The following MAN2A1 variants were observed in gnomAD, a reference collection of about 807,000 sequenced individuals.
The protein encoded by MAN2A1 is mannosidase alpha class 2A member 1.
A neutral mutation model predicts 142.6 loss-of-function variants in MAN2A1; 76 were observed. That is an observed-to-expected ratio of 0.53 (90% CI 0.44 to 0.65). The LOEUF (loss-of-function observed/expected upper bound fraction) is 0.65. MAN2A1 is among the 30% of genes least tolerant of loss of function. MAN2A1 has a pLI of 0.00. For missense variants in MAN2A1, 1,311 were observed against 1,365.1 expected, an observed-to-expected ratio of 0.96 and a Z score of 0.62; for synonymous variants, 559 against 473.2, an observed-to-expected ratio of 1.18 and a Z score of -2.35.
At chr5:109,786,459 T>G (rs1283534046) in intron 10 of MAN2A1, among the ~76,000 whole-genome samples, 1 of 152,096 alleles carries the variant, frequency 6.6e-6, no homozygotes, top group African/African-American at 2.4e-5. Context: ...TATCTTGACC[T>G]GTCTGGAAGA....
intron 16 of MAN2A1, among the ~76,000 whole-genome samples, chr5:109,827,645 G>C (rs3797678): frequency 0.39 from 59,607 of 152,042 alleles, 12,551 homozygotes; most frequent in African/African-American, 0.55. Flanking sequence ...GCAGTTGAAG[G>C]GCTCTCTCTT....
intron 10 of MAN2A1, among the ~76,000 whole-genome samples, chr5:109,786,893 A>T (rs1457980190): frequency 6.6e-6 from 1 of 152,022 alleles, no homozygotes; most frequent in Non-Finnish European, 1.5e-5. Flanking sequence ...ATCTGTAGAC[A>T]ACTGGTTCTG....
intron 12 of MAN2A1, among the ~76,000 whole-genome samples, chr5:109,813,044 T>C (rs1235137014): frequency 6.6e-6 from 1 of 152,220 alleles, no homozygotes; most frequent in Non-Finnish European, 1.5e-5. Flanking sequence ...CATAAAAATA[T>C]GTAAGTTGCT....
rs911988699 is a variant in MAN2A1, at chr5:109,722,581, T to A, written c.535+6317T>A. Among the ~76,000 whole-genome samples the A allele has an allele frequency of 2.0e-5, 3 of 151,944 alleles. No individual in the cohort carries two copies. The South Asian group carries it at 6.2e-4, about 32-fold the overall frequency. ...AGGCACACGCCACAGTGCCTAGCTATTTTTTTGTATTTTTAGTAGAGATGG... is the reference window on the plus strand; with the variant it reads ...AGGCACACGCCACAGTGCCTAGCTAATTTTTTGTATTTTTAGTAGAGATGG... On this transcript the variant is annotated intron_variant, in intron 3 of 21. Transcript: ENST00000261483.
At chr5:109,714,586 A>G (rs1213618236) in intron 2 of MAN2A1, among the ~76,000 whole-genome samples, 3 of 152,250 alleles carry the variant, frequency 2.0e-5, no homozygotes, top group Non-Finnish European at 4.4e-5. Flanking sequence ...TTTCACTCAC[A>G]TTGGCTCTGC....
At chr5:109,854,087 C>A (rs1396354849) in intron 19 of MAN2A1, 1 of 152,098 alleles carries the variant, frequency 6.6e-6, no homozygotes, top group African/African-American at 2.4e-5. Flanking sequence ...AGATCAGTAG[C>A]CAAGCCTTTT....
At chr5:109,719,302 A>T (rs1430127952) in intron 3 of MAN2A1, among the ~76,000 whole-genome samples, 1 of 152,242 alleles carries the variant, frequency 6.6e-6, no homozygotes, top group African/African-American at 2.4e-5. Context: ...AACTACAGTG[A>T]TTTTTGCTGT....
chr5:109,816,522 A>G (rs578244004), intron 12 of MAN2A1, among the ~76,000 whole-genome samples: 91 of 152,272 alleles, frequency 6.0e-4, no homozygotes, highest in African/African-American at 2.0e-3. Flanking sequence ...TTTAGAATCA[A>G]CTTTCTTTAA....
At chr5:109,864,903 G>A in intron 20 of MAN2A1, 133 bp from the exon 21 acceptor site, 1 of 670,072 alleles carries the variant, frequency 1.5e-6, no homozygotes, top group Non-Finnish European at 2.7e-6. Context: ...GACCTGAGGA[G>A]AAATGAATTT....
At chr5:109,726,297 T>C (rs1235197056) in intron 3 of MAN2A1, among the ~76,000 whole-genome samples, 3 of 152,182 alleles carry the variant, frequency 2.0e-5, no homozygotes, top group Non-Finnish European at 4.4e-5. Context: ...ACAATTGTAG[T>C]TTTTACAGTA....
chr5:109,789,611 A>G lies in MAN2A1; in HGVS notation c.1943+84A>G, dbSNP rs1429276002. 1.1e-5 allele frequency: 9 copies of G among 852,470 alleles called. No homozygotes were observed. In the Middle Eastern group the frequency reaches 7.2e-4, roughly 68 times the overall value. The allele number at this position is 852,470 out of a possible 1,614,324, so 52.8% of individuals were successfully genotyped here. A position where few individuals can be genotyped will look rare whatever the true frequency, so the allele number is the denominator to read the frequency against. Reference sequence around the variant, plus strand: ...TATGGTTCTGGTTTTTAGTTAGCGTATATTTTGAGGCAATCAATTTATTAA... The same window carrying G: ...TATGGTTCTGGTTTTTAGTTAGCGTGTATTTTGAGGCAATCAATTTATTAA... On this transcript the variant is annotated intron_variant, in intron 12 of 21. Coordinates refer to ENST00000261483, the MANE Select transcript of MAN2A1 (RefSeq NM_002372.4).
chr5:109,838,282 A>T (rs898141736), intron 16 of MAN2A1, among the ~76,000 whole-genome samples: 1 of 152,200 alleles, frequency 6.6e-6, no homozygotes, highest in African/African-American at 2.4e-5. Context: ...AAGAGGGCAC[A>T]TATTTCTCTT....
intron 4 of MAN2A1, among the ~76,000 whole-genome samples, chr5:109,740,220 T>C (rs1752228190): frequency 6.6e-6 from 1 of 152,198 alleles, no homozygotes; most frequent in African/African-American, 2.4e-5. Context: ...TGCAAGATTA[T>C]ATGAGAATCA....
At chr5:109,757,718 C>T (rs1157503266) in intron 5 of MAN2A1, among the ~76,000 whole-genome samples, 1 of 152,094 alleles carries the variant, frequency 6.6e-6, no homozygotes, top group Non-Finnish European at 1.5e-5. Context: ...CCTTCCCTGC[C>T]CCAGTCTCAG....
intron 12 of MAN2A1, among the ~76,000 whole-genome samples, chr5:109,799,830 A>T (rs560054822): frequency 6.8e-6 from 1 of 146,416 alleles, no homozygotes; most frequent in South Asian, 2.2e-4. Context: ...GACTTACCCT[A>T]TAATCCCAGC....
Position 109,835,537 on chromosome 5 carries a change from G to T in MAN2A1, c.2567-6791G>T, listed in dbSNP as rs114377227. Among the ~76,000 whole-genome samples, 309 of 152,288 alleles carry T rather than the reference G, an allele frequency of 2.0e-3. 1 individual carries two copies. Among genetic ancestry groups the T allele is most frequent in the African/African-American group, 7.3e-3 (305 of 41,562 alleles). On this transcript the variant is annotated intron_variant, in intron 16 of 21. Coordinates refer to ENST00000261483, the MANE Select transcript of MAN2A1 (RefSeq NM_002372.4). ...TTGCAGACTTAAATATGCCGCTTAG[G>T]ATTCTCGCCATCACTTGTCTTTTTC...
At position 109,713,545 on chromosome 5, in the gene MAN2A1, A is replaced by G; in HGVS notation, c.161A>G (p.Lys54Arg). The G allele has an allele frequency of 1.2e-6, 2 of 1,610,558 alleles. No homozygotes were observed. Among genetic ancestry groups the G allele is most frequent in the African/African-American group, 1.3e-5 (1 of 74,978 alleles). The change falls in exon 2 of 22, where the codon AAA (lysine) becomes AGA (arginine). Residue 54 changes from lysine to arginine, a missense_variant. By Grantham distance (26) the Lys-to-Arg change is conservative. Transcript: ENST00000261483. The part of the protein sequence containing the change: ...PQGQLSMLQE[K>R]IDHLERLLAE... ...GGCCAGCTCTCAATGTTGCAAGAAA[A>G]AATAGACCATTTGGAGCGTTTGCTA...
Position 109,868,819 on chromosome 5 carries a change from C to T in MAN2A1, c.*1821C>T, listed in dbSNP as rs1755942055. ...ATGTTAGGGTTGCCAGAAGCAAATC[C>T]CAGGAATGAGATCAGTATTTTCATT... On this transcript the variant is annotated 3_prime_UTR_variant, in exon 22 of 22. Coordinates refer to ENST00000261483, the MANE Select transcript of MAN2A1 (RefSeq NM_002372.4). 3.3e-5 allele frequency: 5 copies of T among 152,148 alleles called. No individual in the cohort carries two copies. The South Asian group carries it at 1.0e-3, about 32-fold the overall frequency. The allele number at this position is 152,148 out of a possible 1,614,324, so 9.4% of individuals were successfully genotyped here.
chr5:109,713,781 T>A lies in MAN2A1; in HGVS notation c.390+7T>A, dbSNP rs1751373001. 1 of 1,594,694 alleles carries A rather than the reference T, an allele frequency of 6.3e-7. No homozygotes were observed. The highest frequency in any genetic ancestry group is 8.5e-7 in the Non-Finnish European group (1 of 1,170,610). On this transcript the variant is annotated splice_region_variant and intron_variant, in intron 2 of 21. Coordinates refer to ENST00000261483, the MANE Select transcript of MAN2A1 (RefSeq NM_002372.4). Reference sequence around the variant, plus strand: ...TCACAATTCAGATGTGCAGGTAATGTATACATTCGTTAATAATCACTGGCC... The same window carrying A: ...TCACAATTCAGATGTGCAGGTAATGAATACATTCGTTAATAATCACTGGCC...
Sources: allele counts gnomAD v4.1 joint callset (sites outside exome capture counted in the v4.1 genomes callset), GRCh38; gene constraint gnomAD v4.1.1; transcripts MANE v1.5; gene names NCBI Gene and HGNC (gene_info 2026-07-23, HGNC 2026-07-21).